SLC35F3: variants seen among roughly 807,000 people sequenced by gnomAD.
SLC35F3 encodes solute carrier family 35 member F3, also known as putative thiamine transporter SLC35F3.
Under a neutral mutation model 49.9 loss-of-function variants are expected in SLC35F3, and 25 were observed. The ratio of observed to expected loss-of-function variants is 0.50; its 90% CI spans 0.37 to 0.70. The LOEUF is 0.70. Among genes scored for constraint, SLC35F3 ranks in the 30% least tolerant of loss-of-function variants. The pLI is 0.00. For synonymous variants in SLC35F3, 275 were observed against 265.4 expected (o/e 1.04, Z -0.35); for missense variants, 525 against 639.8 (o/e 0.82, Z 1.94).
intron 3 of SLC35F3, chr1:234,261,677 G>A (rs1254453987): frequency 6.6e-6 from 1 of 152,014 alleles, no homozygotes; most frequent in African/African-American, 2.4e-5. Context: ...TAACCTCCTG[G>A]GGATGCAGCC....
At chr1:234,299,558 C>G (rs996432814) in intron 3 of SLC35F3, among the ~76,000 whole-genome samples, 2 of 152,094 alleles carry the variant, frequency 1.3e-5, no homozygotes, top group Non-Finnish European at 2.9e-5. Context: ...GTAATCCCAG[C>G]ACTTTGGGAG....
At chr1:234,012,011 T>A (rs1203257302) in intron 2 of SLC35F3, among the ~76,000 whole-genome samples, 1 of 152,138 alleles carries the variant, frequency 6.6e-6, no homozygotes, top group East Asian at 1.9e-4. Context: ...TTTCACTATC[T>A]CAGCAAGAAG....
At position 234,214,569 on chromosome 1, in the gene SLC35F3, T is replaced by C. The variant is rs762035236; in HGVS notation, c.284-16848T>C. The C allele has an allele frequency of 2.8e-5, 44 of 1,545,912 alleles. No homozygotes were observed. The highest frequency in any genetic ancestry group is 3.7e-5 in the Non-Finnish European group (43 of 1,148,404). On this transcript the variant is annotated intron_variant, in intron 2 of 7. Transcript: ENST00000366618. This position sits in a 1 kb window ranked among gnomAD's most constrained non-coding sequence, Gnocchi z 8.0. ...AGTCCGGTCCTGACCCTTACCAAAG[T>C]GGAAGGTAATGCGCGGCCGCCTCGC... is the stretch of plus-strand genomic sequence containing the variant.
chr1:234,093,626 G>A lies in SLC35F3; in HGVS notation c.284-137791G>A, dbSNP rs373647493. Among the ~76,000 whole-genome samples, 10 of 152,338 alleles carry A rather than the reference G, an allele frequency of 6.6e-5. No individual in the cohort carries two copies. The South Asian group carries it at 2.1e-3, about 32-fold the overall frequency. ...ATTTGTGGGACCACGACCCGAGGAG[G>A]GGAACCCTTGGAGGAAATTGCAAGA... is the stretch of plus-strand genomic sequence containing the variant. On this transcript the variant is annotated intron_variant, in intron 2 of 7. Transcript: ENST00000366618.
chr1:233,955,613 T>C (rs1328101689), intron 2 of SLC35F3, among the ~76,000 whole-genome samples: 2 of 152,118 alleles, frequency 1.3e-5, no homozygotes. Flanking sequence ...GTCTTGCTGC[T>C]TTTGTTCAGG....
At chr1:233,971,859 A>T (rs917641466) in intron 2 of SLC35F3, among the ~76,000 whole-genome samples, 3 of 152,158 alleles carry the variant, frequency 2.0e-5, no homozygotes, top group African/African-American at 7.2e-5. Context: ...ACTGGAAAGG[A>T]TTGACCATCC....
chr1:234,291,361 G>C (rs888178303), intron 3 of SLC35F3, among the ~76,000 whole-genome samples: 1 of 152,240 alleles, frequency 6.6e-6, no homozygotes, highest in African/African-American at 2.4e-5. Flanking sequence ...CTGGTCCCCA[G>C]ACCACATGGT....
chr1:234,192,606 A>G lies in SLC35F3; in HGVS notation c.284-38811A>G, dbSNP rs150754550. On this transcript the variant is annotated intron_variant, in intron 2 of 7. Transcript: ENST00000366618. ...AGGCCCTAGCTAGAGCAATCAGACA[A>G]GAGAAACAAATAAAGGACATCCAGA... is the stretch of plus-strand genomic sequence containing the variant. 1.5e-3 allele frequency among the ~76,000 whole-genome samples: 231 copies of G among 152,314 alleles called. 1 individual carries two copies. The Middle Eastern group carries it at 0.024, about 16-fold the overall frequency.
intron 1 of SLC35F3, 66 bp from the exon 2 acceptor site, chr1:233,905,463 G>GAT: frequency 8.2e-7 from 1 of 1,223,672 alleles, no homozygotes; most frequent in Admixed American, 2.1e-5. Flanking sequence ...TGCTCCTCAC[G>GAT]AATCCCCTCC....
In SLC35F3 at chr1:234,046,790, T is replaced by C. The variant is rs1431674883; in HGVS notation, c.283+141032T>C. 1.3e-5 allele frequency among the ~76,000 whole-genome samples: 2 copies of C among 152,234 alleles called. No homozygotes were observed. The highest frequency in any genetic ancestry group is 2.4e-5 in the African/African-American group (1 of 41,464). ...TGATAATAGACCTCTAATGCTAATA[T>C]GAAGTACATCTCTAATTCTAGTTTT... is the stretch of plus-strand genomic sequence containing the variant. On this transcript the variant is annotated intron_variant, in intron 2 of 7. Transcript: ENST00000366618. The surrounding 1 kb of genome is among the most constrained non-coding windows in gnomAD (Gnocchi z 4.4).
chr1:234,145,932 G>A (rs538132085), intron 2 of SLC35F3, among the ~76,000 whole-genome samples: 64 of 152,176 alleles, frequency 4.2e-4, no homozygotes, highest in Middle Eastern at 3.4e-3. Context: ...CACCTATTAA[G>A]ATTATACCCC....
intron 2 of SLC35F3, among the ~76,000 whole-genome samples, chr1:233,911,667 A>G (rs746926469): frequency 1.2e-4 from 18 of 152,124 alleles, no homozygotes; most frequent in Non-Finnish European, 2.4e-4. Flanking sequence ...ATGTGCCTTT[A>G]TTTTCATTTG....
chr1:234,158,108 G>T (rs56753578), intron 2 of SLC35F3, among the ~76,000 whole-genome samples: 5,396 of 152,226 alleles, frequency 0.035, 318 homozygotes, highest in African/African-American at 0.12. Flanking sequence ...TGATGGTTCA[G>T]ATTTCAAACA....
intron 2 of SLC35F3, among the ~76,000 whole-genome samples, chr1:233,964,307 C>T (rs555483816): frequency 3.3e-4 from 51 of 152,294 alleles, no homozygotes; most frequent in African/African-American, 1.1e-3. Context: ...CACAGCCATA[C>T]GTAGAACCTG....
At chr1:234,036,073 T>C (rs894790017) in intron 2 of SLC35F3, among the ~76,000 whole-genome samples, 3 of 152,066 alleles carry the variant, frequency 2.0e-5, no homozygotes, top group Admixed American at 6.5e-5. Context: ...TAGTTGTGGG[T>C]TTGTTTGTTC....
At chr1:234,206,635 T>A (rs983107207) in intron 2 of SLC35F3, among the ~76,000 whole-genome samples, 3 of 152,142 alleles carry the variant, frequency 2.0e-5, no homozygotes, top group African/African-American at 7.2e-5. Flanking sequence ...ATTGATATCC[T>A]GTTTACTACC....
chr1:233,996,954 T>G (rs985023357), intron 2 of SLC35F3, among the ~76,000 whole-genome samples: 5 of 152,188 alleles, frequency 3.3e-5, no homozygotes, highest in African/African-American at 1.2e-4. Context: ...CCATTTTATA[T>G]TTGACATTTT....
At chr1:233,979,702 C>G (rs1663149298) in intron 2 of SLC35F3, among the ~76,000 whole-genome samples, 1 of 152,162 alleles carries the variant, frequency 6.6e-6, no homozygotes, top group African/African-American at 2.4e-5. Context: ...TCACTTCTTG[C>G]TCCTGGGGTT....
intron 2 of SLC35F3, among the ~76,000 whole-genome samples, chr1:234,073,382 G>C (rs560295353): frequency 7.9e-5 from 12 of 152,154 alleles, no homozygotes; most frequent in Non-Finnish European, 1.5e-4. Flanking sequence ...CTGGGCTCAA[G>C]AGATCCTCCT....
Sources: allele counts gnomAD v4.1 joint callset (sites outside exome capture counted in the v4.1 genomes callset), GRCh38; gene constraint gnomAD v4.1.1; non-coding constraint Gnocchi (gnomAD v3.1); transcripts MANE v1.5; gene names NCBI Gene and HGNC (gene_info 2026-07-23, HGNC 2026-07-21).